SHC4: variants seen among roughly 807,000 people sequenced by gnomAD.
SHC4 encodes SHC adaptor protein 4.
A neutral mutation model predicts 69.4 loss-of-function variants in SHC4; 41 were observed. The ratio of observed to expected loss-of-function variants is 0.59; its 90% confidence interval spans 0.46 to 0.77. The LOEUF is 0.77. SHC4 is among the 30% of genes least tolerant of loss of function. The pLI, the probability that SHC4 is intolerant of heterozygous loss-of-function variation, is 0.00. For synonymous variants in SHC4, 318 were observed against 299.3 expected (o/e 1.06, Z -0.64); for missense variants, 777 against 783.8 (o/e 0.99, Z 0.10).
intron 9 of SHC4, among the ~76,000 whole-genome samples, chr15:48,844,898 T>C (rs1303601900): frequency 6.6e-6 from 1 of 152,124 alleles, no homozygotes; most frequent in Non-Finnish European, 1.5e-5. Context: ...GAAATGTGAG[T>C]CCATTAAACC....
chr15:48,904,392 T>C (rs1029883109), intron 2 of SHC4, among the ~76,000 whole-genome samples: 3 of 152,202 alleles, frequency 2.0e-5, no homozygotes, highest in African/African-American at 7.2e-5. Flanking sequence ...TATAAATTAA[T>C]AATAAACTGC....
chr15:48,840,044 T>C (rs923458007), intron 10 of SHC4, among the ~76,000 whole-genome samples: 1 of 152,198 alleles, frequency 6.6e-6, no homozygotes, highest in African/African-American at 2.4e-5. Context: ...GAAATATATA[T>C]GTGCTCCTCT....
rs772884170 is a variant in SHC4 at position 48,963,056 on chromosome 15, G to T, written c.-41C>A. The T allele has an allele frequency of 1.9e-6, 3 of 1,546,344 alleles. No individual in the cohort carries two copies. Among genetic ancestry groups the T allele is most frequent in the Non-Finnish European group, 1.7e-6 (2 of 1,144,390 alleles). On this transcript the variant is annotated 5_prime_UTR_variant, in exon 1 of 12. Coordinates refer to ENST00000332408, the MANE Select transcript of SHC4 (RefSeq NM_203349.4). ...GAAACAGGATACTGTTGCATAAATC[G>T]CCTCGTCGTCTGGTAGATAAACGGT...
chr15:48,896,968 G>T (rs1900234045), intron 2 of SHC4, among the ~76,000 whole-genome samples: 1 of 152,168 alleles, frequency 6.6e-6, no homozygotes, highest in African/African-American at 2.4e-5. Flanking sequence ...TACAAATGCC[G>T]AGGAGAAAGA....
At chr15:48,886,866 A>G (rs1241139597) in intron 3 of SHC4, among the ~76,000 whole-genome samples, 1 of 152,226 alleles carries the variant, frequency 6.6e-6, no homozygotes, top group Non-Finnish European at 1.5e-5. Flanking sequence ...AGAAGGGAAC[A>G]GAAAGAGAAG....
At chr15:48,836,103 G>A (rs556442771) in intron 10 of SHC4, among the ~76,000 whole-genome samples, 2 of 150,124 alleles carry the variant, frequency 1.3e-5, no homozygotes, top group East Asian at 3.9e-4. Flanking sequence ...TGAGACAAGA[G>A]AATCGCTTAA....
chr15:48,962,910 C>A lies in SHC4; in HGVS notation c.106G>T (p.Glu36Ter), dbSNP rs151037726. The change falls in exon 1 of 12, where the codon GAG (glutamate) becomes TAG (stop). Residue 36 changes from glutamate (E) to a stop codon, truncating the protein, a stop_gained. Transcript: ENST00000332408. LOFTEE classifies it high-confidence loss of function. ...CCTTCGTCCAAGGACGTGATCGACT[C>A]GTTCCGAAAGCGGCTGTACTTGGCC... is the stretch of plus-strand genomic sequence containing the variant. ...HRAKYSRFRN[E>*]SITSLDEGSS... 9 of 1,613,244 alleles carry A rather than the reference C, an allele frequency of 5.6e-6. No homozygotes were observed. Among genetic ancestry groups the A allele is most frequent in the Non-Finnish European group, 7.6e-6 (9 of 1,180,034 alleles).
chr15:48,846,383 A>C (rs1263549366), intron 9 of SHC4, among the ~76,000 whole-genome samples: 2 of 152,114 alleles, frequency 1.3e-5, no homozygotes, highest in East Asian at 3.8e-4. Context: ...GTATTCGATA[A>C]ATAGTTCCCA....
chr15:48,876,683 T>G, intron 4 of SHC4: 1 of 615,794 alleles, frequency 1.6e-6, no homozygotes. Context: ...AGATTTAGGC[T>G]GGGAGGCTAG....
chr15:48,831,861 G>A (rs1019482226), intron 11 of SHC4, among the ~76,000 whole-genome samples: 1 of 152,106 alleles, frequency 6.6e-6, no homozygotes, highest in African/African-American at 2.4e-5. Context: ...TTACTGTTTG[G>A]TATCCTTTTG....
At chr15:48,931,910 T>C (rs1226734727) in intron 1 of SHC4, among the ~76,000 whole-genome samples, 2 of 151,542 alleles carry the variant, frequency 1.3e-5, no homozygotes, top group Non-Finnish European at 3.0e-5. Flanking sequence ...TTTGGAGACA[T>C]ACTCTGCCCC....
chr15:48,925,456 A>C (rs1234933116), intron 1 of SHC4, among the ~76,000 whole-genome samples: 1 of 152,260 alleles, frequency 6.6e-6, no homozygotes, highest in Non-Finnish European at 1.5e-5. Context: ...TGTGAGATAG[A>C]GAATACAGGA....
chr15:48,870,400 C>G (rs1315707544), intron 5 of SHC4, among the ~76,000 whole-genome samples: 2 of 152,158 alleles, frequency 1.3e-5, no homozygotes, highest in African/African-American at 4.8e-5. Context: ...AATTAGGCAT[C>G]TGTGGAATTT....
Position 48,825,664 on chromosome 15 carries a change from G to T in SHC4, c.*307C>A. The T allele has an allele frequency of 4.1e-6, 1 of 242,678 alleles. No individual in the cohort carries two copies. The highest frequency in any genetic ancestry group is 7.9e-6 in the Non-Finnish European group (1 of 125,798). 15.0% of individuals were successfully genotyped at this position (242,678 alleles called of 1,614,324 possible). On this transcript the variant is annotated 3_prime_UTR_variant, in exon 12 of 12. Coordinates refer to ENST00000332408, the MANE Select transcript of SHC4 (RefSeq NM_203349.4). Reference sequence around the variant, plus strand: ...CAGCAGTTCATTCAAGTTGTCGTTAGCATGTGAAATTTTAGTTGTGCTTTT... The same window carrying T: ...CAGCAGTTCATTCAAGTTGTCGTTATCATGTGAAATTTTAGTTGTGCTTTT...
In SHC4 at chr15:48,924,745, C is replaced by A. The variant is rs573617910; in HGVS notation, c.656+134G>T. On this transcript the variant is annotated intron_variant, in intron 2 of 11. Coordinates refer to ENST00000332408, the MANE Select transcript of SHC4 (RefSeq NM_203349.4). ...AAGCCACTCATTGAAGGTCACTGGG[C>A]GAGCCTTCTACACTCCAGTCGCGTG... The A allele has an allele frequency of 5.9e-6, 5 of 842,344 alleles. No homozygotes were observed. The Admixed American group carries it at 8.6e-5, about 14-fold the overall frequency. The allele number at this position is 842,344 out of a possible 1,614,324, so 52.2% of individuals were successfully genotyped here. A position where few individuals can be genotyped will look rare whatever the true frequency, so the allele number is the denominator to read the frequency against.
rs2413923 is a variant in SHC4 at position 48,930,379 on chromosome 15, A to T, written c.586-5430T>A. 6.0e-4 allele frequency among the ~76,000 whole-genome samples: 92 copies of T among 152,278 alleles called. 2 individuals are homozygous for T. The South Asian group carries it at 0.018, about 30-fold the overall frequency. ...AGTAGGGTGAAATCTCTTTTTATACATGGCTTATTCCCTTTCTCAGAATAT... is the reference window on the plus strand; with the variant it reads ...AGTAGGGTGAAATCTCTTTTTATACTTGGCTTATTCCCTTTCTCAGAATAT... On this transcript the variant is annotated intron_variant, in intron 1 of 11. Transcript: ENST00000332408.
Position 48,877,623 on chromosome 15 carries a change from T to C in SHC4, c.841-5481A>G. On this transcript the variant is annotated intron_variant, in intron 4 of 11. Coordinates refer to ENST00000332408, the MANE Select transcript of SHC4 (RefSeq NM_203349.4). ...AGGCGAAAAGAAATGGGACCAAGTA[T>C]TTCTTCACTATAACTAAAAAAAAAA... 2 of 944,086 alleles carry C rather than the reference T, an allele frequency of 2.1e-6. 1 individual carries two copies. The highest frequency in any genetic ancestry group is 9.8e-5 in the South Asian group (2 of 20,380). The allele number at this position is 944,086 out of a possible 1,614,324, so 58.5% of individuals were successfully genotyped here. A position where few individuals can be genotyped will look rare whatever the true frequency, so the allele number is the denominator to read the frequency against.
rs1003625106 is a variant in SHC4, at chr15:48,923,739, A to G, written c.656+1140T>C. ...ACTGAAGCCTTGAACTCCTGGGCTC[A>G]AGTGATCCTCCAGCCTCAGCCTCCT... On this transcript the variant is annotated intron_variant, in intron 2 of 11. Coordinates refer to ENST00000332408, the MANE Select transcript of SHC4 (RefSeq NM_203349.4). Among the ~76,000 whole-genome samples, 6 of 149,666 alleles carry G rather than the reference A, an allele frequency of 4.0e-5. 1 individual carries two copies. Among genetic ancestry groups the G allele is most frequent in the African/African-American group, 1.5e-4 (6 of 40,350 alleles).
chr15:48,962,214 G>T (rs780069223), intron 1 of SHC4, among the ~76,000 whole-genome samples: 2 of 152,110 alleles, frequency 1.3e-5, no homozygotes, highest in Non-Finnish European at 2.9e-5. Flanking sequence ...AGTTAGCACC[G>T]GTTCATGTCC....
Sources: gnomAD v4.1 joint callset for allele counts (sites outside exome capture counted in the v4.1 genomes callset) on GRCh38, gnomAD v4.1.1 for gene constraint, MANE v1.5 for transcripts, NCBI Gene and HGNC (gene_info 2026-07-23, HGNC 2026-07-21) for gene names.